Variants in ADAM18 observed in about 807,000 individuals in gnomAD.
The protein encoded by ADAM18 is disintegrin and metalloproteinase domain-containing protein 18.
Under a neutral mutation model 94.4 loss-of-function variants are expected in ADAM18, and 117 were observed. The ratio of observed to expected loss-of-function variants is 1.24; its 90% CI spans 1.07 to 1.45. The LOEUF (loss-of-function observed/expected upper bound fraction) is 1.45. Among genes scored for constraint, ADAM18 ranks in the 40% most tolerant of loss-of-function variants. The probability of loss-of-function intolerance (pLI) is 0.00; values close to 1 mark genes in which losing one functional copy is unlikely to be tolerated. For missense variants in ADAM18, 936 were observed against 880.0 expected (o/e 1.06, Z -0.81); for synonymous variants, 327 against 291.6 (o/e 1.12, Z -1.24).
At chr8:39,719,469 T>C (rs1373733692) in intron 18 of ADAM18, among the ~76,000 whole-genome samples, 1 of 151,158 alleles carries the variant, frequency 6.6e-6, no homozygotes, top group East Asian at 1.9e-4. Context: ...TTGGACAACA[T>C]AAAAAAATTA....
At chr8:39,714,140 G>A (rs1056972452) in intron 18 of ADAM18, among the ~76,000 whole-genome samples, 10 of 152,078 alleles carry the variant, frequency 6.6e-5, no homozygotes, top group South Asian at 2.1e-4. Context: ...GTCCTTTGCC[G>A]GGACATGGAT....
intron 16 of ADAM18, among the ~76,000 whole-genome samples, chr8:39,686,891 G>A (rs1821620415): frequency 6.6e-6 from 1 of 152,144 alleles, no homozygotes; most frequent in African/African-American, 2.4e-5. Flanking sequence ...TACTTTGTTT[G>A]GTGCATATTC....
intron 11 of ADAM18, among the ~76,000 whole-genome samples, chr8:39,647,436 T>C (rs7835705): frequency 0.019 from 2,830 of 152,316 alleles, 77 homozygotes; most frequent in African/African-American, 0.065. Context: ...TATCTCAGAA[T>C]TGAACAAATG....
chr8:39,633,835 A>T (rs1211610070), intron 7 of ADAM18, among the ~76,000 whole-genome samples: 1 of 151,708 alleles, frequency 6.6e-6, no homozygotes, highest in Non-Finnish European at 1.5e-5. Context: ...CCCTGTAAAA[A>T]AAAAAAAAGG....
At chr8:39,655,183 T>C (rs1820653428) in intron 12 of ADAM18, among the ~76,000 whole-genome samples, 1 of 152,154 alleles carries the variant, frequency 6.6e-6, no homozygotes, top group African/African-American at 2.4e-5. Flanking sequence ...AGTCTTTAAC[T>C]CACTTTTAGT....
In ADAM18 at chr8:39,679,023, G is replaced by C. The variant is rs1358360892; in HGVS notation, c.1632-1014G>C. On this transcript the variant is annotated intron_variant, in intron 15 of 19. Transcript: ENST00000265707. ...TGGTTTAGAATATATTCTATAGAAA[G>C]AGAGTGGAACCAAAATCAAAAGAAA... Among the ~76,000 whole-genome samples the C allele has an allele frequency of 7.2e-5, 11 of 152,274 alleles. No homozygotes were observed. The East Asian group carries it at 2.1e-3, about 29-fold the overall frequency.
intron 12 of ADAM18, among the ~76,000 whole-genome samples, chr8:39,662,808 A>T (rs1012340588): frequency 4.6e-5 from 7 of 152,028 alleles, no homozygotes; most frequent in African/African-American, 1.2e-4. Flanking sequence ...TATTTTTAGT[A>T]AAGGTGGGGT....
intron 11 of ADAM18, among the ~76,000 whole-genome samples, chr8:39,647,022 C>T (rs564539749): frequency 9.2e-5 from 14 of 151,942 alleles, no homozygotes; most frequent in African/African-American, 2.4e-4. Context: ...TGGGATATCT[C>T]GTCAGGTGGG....
At chr8:39,702,565 A>G (rs1039960547) in intron 17 of ADAM18, among the ~76,000 whole-genome samples, 1 of 152,146 alleles carries the variant, frequency 6.6e-6, no homozygotes, top group East Asian at 1.9e-4. Flanking sequence ...TCCGGTGCCT[A>G]TGTCTTGAAT....
At chr8:39,688,522 A>G (rs377125094) in intron 16 of ADAM18, among the ~76,000 whole-genome samples, 51 of 152,322 alleles carry the variant, frequency 3.3e-4, no homozygotes, top group African/African-American at 1.1e-3. Context: ...GCTAAGAATA[A>G]TGACCTCCAG....
intron 6 of ADAM18, among the ~76,000 whole-genome samples, chr8:39,620,269 A>G (rs983407859): frequency 6.6e-6 from 1 of 150,946 alleles, no homozygotes; most frequent in African/African-American, 2.4e-5. Context: ...TGAAATTATT[A>G]GATGAAAAGC....
chr8:39,613,114 T>C (rs934214216), intron 6 of ADAM18, among the ~76,000 whole-genome samples: 3 of 152,018 alleles, frequency 2.0e-5, no homozygotes, highest in African/African-American at 7.2e-5. Context: ...CCACCACAGG[T>C]ACATACATGC....
At chr8:39,724,541 T>C (rs1822847577) in intron 19 of ADAM18, among the ~76,000 whole-genome samples, 1 of 151,894 alleles carries the variant, frequency 6.6e-6, no homozygotes, top group South Asian at 2.1e-4. Context: ...TTTGCTAGTG[T>C]TATTCAGTTT....
intron 12 of ADAM18, among the ~76,000 whole-genome samples, chr8:39,662,683 G>A (rs944707854): frequency 1.3e-5 from 2 of 152,160 alleles, no homozygotes; most frequent in East Asian, 3.9e-4. Flanking sequence ...GGAGTGCAGT[G>A]GCATGACCTT....
At chr8:39,674,205 C>A (rs543567963) in intron 14 of ADAM18, among the ~76,000 whole-genome samples, 14 of 152,042 alleles carry the variant, frequency 9.2e-5, no homozygotes, top group Non-Finnish European at 1.6e-4. Context: ...GTTGATCTGT[C>A]TAATATTGAC....
intron 6 of ADAM18, among the ~76,000 whole-genome samples, chr8:39,614,766 A>G (rs1819387786): frequency 6.6e-6 from 1 of 152,230 alleles, no homozygotes; most frequent in African/African-American, 2.4e-5. Flanking sequence ...ATGGAGAAAA[A>G]TCTACCAAGC....
At chr8:39,612,207 A>G (rs1284540450) in intron 6 of ADAM18, among the ~76,000 whole-genome samples, 1 of 151,682 alleles carries the variant, frequency 6.6e-6, no homozygotes, top group Non-Finnish European at 1.5e-5. Flanking sequence ...CCACCGGAAA[A>G]CCAGACAAAG....
intron 12 of ADAM18, among the ~76,000 whole-genome samples, chr8:39,658,004 T>A (rs1034621608): frequency 6.6e-6 from 1 of 152,192 alleles, no homozygotes; most frequent in Non-Finnish European, 1.5e-5. Flanking sequence ...AGCTGTATGC[T>A]CTCTACATTT....
At position 39,637,309 on chromosome 8, in the gene ADAM18, G is replaced by A. The variant is rs10093794; in HGVS notation, c.634G>A (p.Val212Ile). Residue 212 changes from valine (V) to isoleucine (I), a missense_variant, in exon 8 of 20, where the codon GTC becomes ATC. Transcript: ENST00000265707. ...AATGATGGCTGTAACACAAAAAATTGTCCAGGTTATTGGGCTTGTCAACAC... is the reference window on the plus strand; with the variant it reads ...AATGATGGCTGTAACACAAAAAATTATCCAGGTTATTGGGCTTGTCAACAC... The part of the protein sequence containing the change: ...SEMMAVTQKI[V>I]QVIGLVNTMF... The A allele has an allele frequency of 4.4e-6, 7 of 1,605,876 alleles. No individual in the cohort carries two copies. The highest frequency in any genetic ancestry group is 6.0e-6 in the Non-Finnish European group (7 of 1,176,042).
Sources: gnomAD v4.1 joint callset for allele counts (sites outside exome capture counted in the v4.1 genomes callset) on GRCh38, gnomAD v4.1.1 for gene constraint, MANE v1.5 for transcripts, NCBI Gene and HGNC (gene_info 2026-07-23, HGNC 2026-07-21) for gene names.